Variants in TRIM35 observed in about 807,000 individuals in gnomAD.
TRIM35 encodes E3 ubiquitin-protein ligase TRIM35.
TRIM35 carries 37 observed loss-of-function variants against 49.1 expected under a neutral mutation model. The observed-to-expected ratio is 0.75, with a 90% CI of 0.58 to 0.99. The LOEUF (loss-of-function observed/expected upper bound fraction) is 0.99. Among genes scored for constraint, TRIM35 ranks in the 50% least tolerant of loss-of-function variants. TRIM35 has a pLI of 0.00. For missense variants in TRIM35, 648 were observed against 702.7 expected, an observed-to-expected ratio of 0.92 and a Z score of 0.88; for synonymous variants, 302 against 289.3, an observed-to-expected ratio of 1.04 and a Z score of -0.45.
intron 1 of TRIM35, among the ~76,000 whole-genome samples, chr8:27,300,950 C>T (rs1375692308): frequency 6.6e-6 from 1 of 152,208 alleles, no homozygotes. Flanking sequence ...CAAAACAACA[C>T]AGTTCAGCCC....
Position 27,286,027 on chromosome 8 carries a change from CGT to C in TRIM35, c.*1521_*1522del, listed in dbSNP as rs1802310794. 2.2e-6 allele frequency: 1 copy of C among 452,100 alleles called. No homozygotes were observed. Among genetic ancestry groups the C allele is most frequent in the Admixed American group, 2.4e-5 (1 of 42,016 alleles). The allele number at this position is 452,100 out of a possible 1,614,324, so 28.0% of individuals were successfully genotyped here. A position where few individuals can be genotyped will look rare whatever the true frequency, so the allele number is the denominator to read the frequency against. On this transcript the variant is annotated 3_prime_UTR_variant, in exon 6 of 6. Transcript: ENST00000305364. ...ACAACATATTTATAACCAATTAATA[CGT>C]GTGAGTCATGATTTGTTTAAAATGT...
chr8:27,299,638 G>T (rs558613966), intron 1 of TRIM35, among the ~76,000 whole-genome samples: 50 of 152,292 alleles, frequency 3.3e-4, no homozygotes, highest in African/African-American at 1.1e-3. Context: ...TGAGATGAGA[G>T]TGTTTTAAGC....
rs559446313 is a variant in TRIM35 at position 27,311,045 on chromosome 8, G to C, written c.191C>G (p.Ala64Gly). The C allele has an allele frequency of 6.3e-7, 1 of 1,599,560 alleles. No individual in the cohort carries two copies. The highest frequency in any genetic ancestry group is 8.5e-7 in the Non-Finnish European group (1 of 1,173,798). ...SPTCPVCKDR[A>G]SPADLRTNHT... ...GTTGGTGCGCAGGTCGGCGGGTGAC[G>C]CGCGGTCTTTGCACACTGGGCAGGT... Residue 64 changes from alanine (A) to glycine (G), a missense_variant, in exon 1 of 6, where the codon GCG becomes GGG. By Grantham distance (60) the Ala-to-Gly change is moderately conservative. Coordinates refer to ENST00000305364, the MANE Select transcript of TRIM35 (RefSeq NM_171982.5).
At chr8:27,288,920 G>A (rs1315540776) in intron 5 of TRIM35, among the ~76,000 whole-genome samples, 2 of 152,188 alleles carry the variant, frequency 1.3e-5, no homozygotes, top group Non-Finnish European at 2.9e-5. Flanking sequence ...CTGAAGAAGG[G>A]ACCAAGTGTC....
intron 1 of TRIM35, among the ~76,000 whole-genome samples, chr8:27,302,300 T>C (rs1802695994): frequency 1.3e-5 from 2 of 152,254 alleles, no homozygotes; most frequent in Admixed American, 1.3e-4. Context: ...TTACTTAATG[T>C]TCTTTGATAG....
Position 27,287,692 on chromosome 8 carries a change from T to C in TRIM35, c.1340A>G (p.His447Arg). 6.2e-7 allele frequency: 1 copy of C among 1,610,148 alleles called. No homozygotes were observed. Residue 447 changes from histidine (H) to arginine (R), a missense_variant, in exon 6 of 6, where the codon CAC (histidine) becomes CGC (arginine). Transcript: ENST00000305364. The surrounding 1 kb of genome is among the most constrained non-coding windows in gnomAD (Gnocchi z 6.0). ...GGCGTGGAAGGTGTACAGGTGGCAG[T>C]GGCGCTCCGCGTCATAGAAAGACAG... The part of the protein sequence containing the change: ...GELSFYDAER[H>R]CHLYTFHARF...
chr8:27,293,184 C>T (rs902582477), intron 3 of TRIM35, among the ~76,000 whole-genome samples: 2 of 151,934 alleles, frequency 1.3e-5, no homozygotes, highest in African/African-American at 4.8e-5. Context: ...CCTGTCGCCT[C>T]CCACTCCACT....
chr8:27,301,808 T>G (rs1370438047), intron 1 of TRIM35, among the ~76,000 whole-genome samples: 7 of 152,256 alleles, frequency 4.6e-5, no homozygotes, highest in Non-Finnish European at 8.8e-5. Context: ...TATAGCTCTG[T>G]AGTATTTTCT....
At chr8:27,301,984 A>G (rs1802690896) in intron 1 of TRIM35, among the ~76,000 whole-genome samples, 1 of 152,128 alleles carries the variant, frequency 6.6e-6, no homozygotes. Flanking sequence ...TCAGACACAG[A>G]TCTGTTTTTT....
chr8:27,309,982 C>CAAA (rs10561313), intron 1 of TRIM35, among the ~76,000 whole-genome samples: 1 of 131,520 alleles, frequency 7.6e-6, no homozygotes, highest in Non-Finnish European at 1.7e-5. Context: ...ATAGAGGTCT[C>CAAA]AAAAAAAAAA....
At chr8:27,308,320 C>T (rs1029525402) in intron 1 of TRIM35, among the ~76,000 whole-genome samples, 17 of 152,234 alleles carry the variant, frequency 1.1e-4, no homozygotes, top group African/African-American at 3.1e-4. Context: ...GCATCTAGCA[C>T]ACAGTGAGCA....
At chr8:27,289,404 T>G in intron 4 of TRIM35, 124 bp from the exon 5 acceptor site, 1 of 742,466 alleles carries the variant, frequency 1.3e-6, no homozygotes, top group Non-Finnish European at 2.3e-6. Context: ...CCTGGCCACC[T>G]TCTCCAAGAC....
rs868048088 is a variant in TRIM35, at chr8:27,286,383, C to T, written c.*1167G>A. 15 of 332,842 alleles carry T rather than the reference C, an allele frequency of 4.5e-5. No individual in the cohort carries two copies. The highest frequency in any genetic ancestry group is 1.0e-3 in the Middle Eastern group (1 of 976). The allele number at this position is 332,842 out of a possible 1,614,324, so 20.6% of individuals were successfully genotyped here. A position where few individuals can be genotyped will look rare whatever the true frequency, so the allele number is the denominator to read the frequency against. On this transcript the variant is annotated 3_prime_UTR_variant, in exon 6 of 6. Coordinates refer to ENST00000305364, the MANE Select transcript of TRIM35 (RefSeq NM_171982.5). ...CCCTCTCCCACAGCGTTTAGGGCCA[C>T]GTCCATGGCGCCACCCCTCTCCTTT...
chr8:27,296,786 G>A (rs1384141025), intron 2 of TRIM35, among the ~76,000 whole-genome samples: 1 of 152,186 alleles, frequency 6.6e-6, no homozygotes, highest in Non-Finnish European at 1.5e-5. Context: ...GTTCGTAATC[G>A]CTATTTGGAG....
At chr8:27,298,918 G>A (rs936705403) in intron 1 of TRIM35, among the ~76,000 whole-genome samples, 1 of 152,188 alleles carries the variant, frequency 6.6e-6, no homozygotes, top group African/African-American at 2.4e-5. Flanking sequence ...GAATCCCTGA[G>A]CTGTGTGGAC....
At chr8:27,294,420 T>TAGAA (rs1183160827) in intron 2 of TRIM35, 110 bp from the exon 3 acceptor site, 1 of 988,000 alleles carries the variant, frequency 1.0e-6, no homozygotes, top group African/African-American at 1.6e-5. Context: ...AAATCATGTA[T>TAGAA]AGAACCCCTA....
chr8:27,294,249 A>G lies in TRIM35; in HGVS notation c.593T>C (p.Leu198Ser). Residue 198 changes from leucine (L) to serine (S), a missense_variant, in exon 3 of 6, where the codon TTG (leucine) becomes TCG (serine). By Grantham distance (145) the Leu-to-Ser change is moderately radical. Coordinates refer to ENST00000305364, the MANE Select transcript of TRIM35 (RefSeq NM_171982.5). ...CAGAATGGCCTGCTCCTCCACTCTC[A>G]AGAACTCGCGAAGCTTATCAAACTC... is the stretch of plus-strand genomic sequence containing the variant. ...RQEFDKLREF[L>S]RVEEQAILDA... 1 of 1,614,120 alleles carries G rather than the reference A, an allele frequency of 6.2e-7. No homozygotes were observed. The highest frequency in any genetic ancestry group is 8.5e-7 in the Non-Finnish European group (1 of 1,180,040).
At chr8:27,303,972 G>A (rs1802731294) in intron 1 of TRIM35, among the ~76,000 whole-genome samples, 1 of 152,208 alleles carries the variant, frequency 6.6e-6, no homozygotes, top group Non-Finnish European at 1.5e-5. Context: ...GGGATTACAG[G>A]CATGAGCCAC....
chr8:27,302,015 C>G (rs985540806), intron 1 of TRIM35, among the ~76,000 whole-genome samples: 7 of 152,236 alleles, frequency 4.6e-5, no homozygotes, highest in Non-Finnish European at 1.0e-4. Context: ...ATCTGTTTCT[C>G]TGGCCCATCT....
Sources: gnomAD v4.1 joint callset for allele counts (sites outside exome capture counted in the v4.1 genomes callset) on GRCh38, gnomAD v4.1.1 for gene constraint, Gnocchi (gnomAD v3.1) non-coding constraint, MANE v1.5 for transcripts, NCBI Gene and HGNC (gene_info 2026-07-23, HGNC 2026-07-21) for gene names.